ATXN2L: variants seen among roughly 807,000 people sequenced by gnomAD.
ATXN2L encodes the protein ataxin 2 like.
A neutral mutation model predicts 120.7 loss-of-function variants in ATXN2L; 24 were observed. The ratio of observed to expected loss-of-function variants is 0.20; its 90% CI spans 0.14 to 0.28. The LOEUF is 0.28. Ranked by LOEUF, ATXN2L falls within the 10% of genes least tolerant of loss-of-function variation. The probability of loss-of-function intolerance (pLI) is 1.00; values close to 1 mark genes in which losing one functional copy is unlikely to be tolerated. For missense variants in ATXN2L, 1,312 were observed against 1,432.3 expected, an observed-to-expected ratio of 0.92 and a Z score of 1.36; for synonymous variants, 653 against 568.1, an observed-to-expected ratio of 1.15 and a Z score of -2.13.
rs758149414 is a variant in ATXN2L, at chr16:28,835,504, C to T, written c.2686-45C>T. ...CTGAGTGGCGAGGACTGGGGGCCAG[C>T]GAGTTGCTGGCCTGTGTGGCACTCA... On this transcript the variant is annotated intron_variant, in intron 20 of 21. Transcript: ENST00000336783. 3.7e-6 allele frequency: 6 copies of T among 1,610,222 alleles called. No individual in the cohort carries two copies. In the Admixed American group the frequency reaches 5.0e-5, roughly 13 times the overall value.
In ATXN2L at chr16:28,835,263, T is replaced by C. The variant is rs1959985508; in HGVS notation, c.2564-15T>C. On this transcript the variant is annotated splice_polypyrimidine_tract_variant and intron_variant, in intron 19 of 21. Coordinates refer to ENST00000336783, the MANE Select transcript of ATXN2L (RefSeq NM_007245.4). ...TGGTGTGCTCAGCACTGGTTCTCCC[T>C]CTTTCCTGCTGCAGCCACTGTTCAC... 1.2e-6 allele frequency: 2 copies of C among 1,613,856 alleles called. No individual in the cohort carries two copies. Among genetic ancestry groups the C allele is most frequent in the Non-Finnish European group, 1.7e-6 (2 of 1,179,908 alleles).
In ATXN2L at chr16:28,832,255, A is replaced by G. The variant is rs139683032; in HGVS notation, c.1372A>G (p.Ile458Val). The G allele has an allele frequency of 2.5e-6, 4 of 1,613,916 alleles. No individual in the cohort carries two copies. Among genetic ancestry groups the G allele is most frequent in the East Asian group, 4.5e-5 (2 of 44,876 alleles). The part of the protein sequence containing the change: ...RSPKSAAPAP[I>V]SASCPEPPIG... The stretch of plus-strand genomic sequence containing the variant: ...TCCCAAGTCTGCTGCCCCTGCCCCA[A>G]TCTCAGCTTCCTGTCCAGAGCCTCC... The change falls in exon 11 of 22, where the codon ATC becomes GTC. Residue 458 changes from isoleucine to valine, a missense_variant. Ile to Val is a conservative substitution (Grantham distance 29). Transcript: ENST00000336783.
rs764023490 is a variant in ATXN2L, at chr16:28,830,776, G to A, written c.1196G>A (p.Arg399His). ...AGCCCTGGCCCAGGTTCTGAGGCCC[G>A]TGGTATCAATGGAGGTGAGTTATGA... ...NSSPGPGSEA[R>H]GINGGPSRMS... The change falls in exon 9 of 22, where the codon CGT becomes CAT. Residue 399 changes from arginine (R) to histidine (H), a missense_variant. Arg to His is a conservative substitution (Grantham distance 29, BLOSUM62 0). Transcript: ENST00000336783. The A allele has an allele frequency of 1.0e-5, 16 of 1,603,690 alleles. No individual in the cohort carries two copies. Among genetic ancestry groups the A allele is most frequent in the African/African-American group, 1.3e-5 (1 of 74,250 alleles).
In ATXN2L at chr16:28,836,523, T is replaced by TGG. The variant is rs761702634; in HGVS notation, c.*263_*264dup. 1.3e-6 allele frequency: 2 copies of TGG among 1,594,976 alleles called. No homozygotes were observed. The highest frequency in any genetic ancestry group is 1.7e-5 in the Admixed American group (1 of 58,348). ...CAGCAGACAGGGCCAGACTGGGGTG[T>TGG]GGGGGGCTGAGCTGGGCACATGAGT... On this transcript the variant is annotated 3_prime_UTR_variant, in exon 22 of 22. Coordinates refer to ENST00000336783, the MANE Select transcript of ATXN2L (RefSeq NM_007245.4).
rs753753026 is a variant in ATXN2L, at chr16:28,833,297, G to C, written c.1898G>C (p.Gly633Ala). The change falls in exon 14 of 22, where the codon GGC (glycine) becomes GCC (alanine). Residue 633 changes from glycine to alanine, a missense_variant. Transcript: ENST00000336783. Reference sequence around the variant, plus strand: ...CCACCACCTTGTCCAAGCCAAACTGGCAGCCCCCCGGTGGGCCTCATCAAG... The same window carrying C: ...CCACCACCTTGTCCAAGCCAAACTGCCAGCCCCCCGGTGGGCCTCATCAAG... Reference protein sequence around the residue: ...QPPPPCPSQTGSPPVGLIKGE... With the variant: ...QPPPPCPSQTASPPVGLIKGE... The C allele has an allele frequency of 6.2e-7, 1 of 1,614,166 alleles. No individual in the cohort carries two copies. The highest frequency in any genetic ancestry group is 8.5e-7 in the Non-Finnish European group (1 of 1,180,002).
Position 28,834,503 on chromosome 16 carries a change from C to T in ATXN2L, c.2246-3C>T, listed in dbSNP as rs1167714660. The T allele has an allele frequency of 5.0e-6, 8 of 1,612,058 alleles. No homozygotes were observed. In the Admixed American group the frequency reaches 5.0e-5, roughly 10 times the overall value. ...GAGCTCTCCTCTCCTCCTCCTCTTC[C>T]AGGCTCCCTTCCTCCGCAGCGCTCG... On this transcript the variant is annotated splice_region_variant and splice_polypyrimidine_tract_variant and intron_variant, in intron 17 of 21. Transcript: ENST00000336783.
At chr16:28,823,623 G>A in intron 1 of ATXN2L, 65 bp downstream of exon 1, 9 of 1,261,742 alleles carry the variant, frequency 7.1e-6, no homozygotes, top group Non-Finnish European at 9.0e-6. Context: ...CGGTTCCGGT[G>A]GGGCGGACCC....
At chr16:28,835,238 T>C (rs1481620478) in intron 19 of ATXN2L, 40 bp from the exon 20 acceptor site, 6 of 1,612,322 alleles carry the variant, frequency 3.7e-6, no homozygotes, top group Middle Eastern at 1.6e-4. Flanking sequence ...CAGCCCCCTC[T>C]GGTGTGCTCA....
chr16:28,836,736 C>T lies in ATXN2L; in HGVS notation c.*471C>T. ...CTTTCCCCTCCAACCAGTTCAATCT[C>T]ATCCCTCCCAGCAGCTCCCCTTCCA... is the stretch of plus-strand genomic sequence containing the variant. On this transcript the variant is annotated 3_prime_UTR_variant, in exon 22 of 22. Coordinates refer to ENST00000336783, the MANE Select transcript of ATXN2L (RefSeq NM_007245.4). 1 of 1,614,040 alleles carries T rather than the reference C, an allele frequency of 6.2e-7. No homozygotes were observed. Among genetic ancestry groups the T allele is most frequent in the Non-Finnish European group, 8.5e-7 (1 of 1,179,964 alleles).
rs555954739 is a variant in ATXN2L, at chr16:28,835,381, G to A, written c.2667G>A (p.Ala889=). ...GAAGCCAGCCGCAGTCCCAGCATGC[G>A]GCCCCCAGTCCTGTCCAGGTGCCTG... ...PTGSQPQSQH[A]APSPVQHQAG... is the part of the protein sequence containing the mutation. Residue 889 remains alanine, a synonymous_variant, in exon 20 of 22, where the codon GCG becomes GCA. Coordinates refer to ENST00000336783, the MANE Select transcript of ATXN2L (RefSeq NM_007245.4). 10 of 1,612,930 alleles carry A rather than the reference G, an allele frequency of 6.2e-6. No homozygotes were observed. Among genetic ancestry groups the A allele is most frequent in the African/African-American group, 5.3e-5 (4 of 75,022 alleles).
intron 5 of ATXN2L, 95 bp downstream of exon 5, chr16:28,826,485 T>TG (rs2052042252): frequency 6.4e-6 from 9 of 1,405,326 alleles, no homozygotes; most frequent in Non-Finnish European, 7.7e-6. Context: ...GTGTTTGGTT[T>TG]GTTTTTTTGT....
At chr16:28,827,338 G>A (rs1051721990) in intron 6 of ATXN2L, among the ~76,000 whole-genome samples, 4 of 152,230 alleles carry the variant, frequency 2.6e-5, no homozygotes, top group African/African-American at 9.6e-5. Context: ...GGAGGCTGAA[G>A]TGGAAGGATC....
chr16:28,826,911 A>G lies in ATXN2L; in HGVS notation c.666A>G (p.Glu222=). 6.2e-7 allele frequency: 1 copy of G among 1,600,560 alleles called. No individual in the cohort carries two copies. Reference sequence around the variant, plus strand: ...CCATGAACTCGAAAGTGAATGGGGAACACAAAGAGAAGGTGCTTCAGCGCT... The same window carrying G: ...CCATGAACTCGAAAGTGAATGGGGAGCACAAAGAGAAGGTGCTTCAGCGCT... The part of the protein sequence containing the change: ...AIAMNSKVNG[E]HKEKVLQRWE... The change falls in exon 6 of 22, where the codon GAA becomes GAG. Residue 222 remains glutamate (E), a synonymous_variant. Transcript: ENST00000336783.
chr16:28,824,301 GTT>G, intron 1 of ATXN2L: 3 of 1,191,332 alleles, frequency 2.5e-6, no homozygotes, highest in Non-Finnish European at 3.2e-6. Flanking sequence ...GTGTGTGTGT[GTT>G]AATGGAATTA....
chr16:28,834,026 G>A lies in ATXN2L; in HGVS notation c.2026-39G>A, dbSNP rs371771013. 78 of 1,603,686 alleles carry A rather than the reference G, an allele frequency of 4.9e-5. 1 individual carries two copies. Among genetic ancestry groups the A allele is most frequent in the Non-Finnish European group, 6.2e-5 (73 of 1,174,790 alleles). On this transcript the variant is annotated intron_variant, in intron 15 of 21. Coordinates refer to ENST00000336783, the MANE Select transcript of ATXN2L (RefSeq NM_007245.4). Reference sequence around the variant, plus strand: ...TCTAGGCATGGCCAGGAGTAGAGGGGAAAATACAAAATAAAATTGTCCTCC... The same window carrying A: ...TCTAGGCATGGCCAGGAGTAGAGGGAAAAATACAAAATAAAATTGTCCTCC...
Position 28,834,231 on chromosome 16 carries a change from G to C in ATXN2L, c.2172+20G>C. The C allele has an allele frequency of 1.2e-6, 2 of 1,611,320 alleles. No individual in the cohort carries two copies. Among genetic ancestry groups the C allele is most frequent in the East Asian group, 2.2e-5 (1 of 44,798 alleles). On this transcript the variant is annotated intron_variant, in intron 16 of 21. Transcript: ENST00000336783. The stretch of plus-strand genomic sequence containing the variant: ...GTGCAGGTATGCAGAGAGACTGGCC[G>C]GGCCCAGGGTTAGCGGGGTGGGATT...
At chr16:28,823,839 G>C (rs984162845) in intron 1 of ATXN2L, 2 of 359,884 alleles carry the variant, frequency 5.6e-6, no homozygotes, top group East Asian at 8.8e-5. Flanking sequence ...CGGCGCCGTC[G>C]GAACGGGGAG....
chr16:28,824,125 C>G (rs986927253), intron 1 of ATXN2L: 2 of 1,022,990 alleles, frequency 2.0e-6, no homozygotes, highest in Non-Finnish European at 2.4e-6. Flanking sequence ...GGCCGGGAGC[C>G]TCTGGCGCGC....
intron 18 of ATXN2L, 171 bp downstream of exon 18, chr16:28,834,864 C>T (rs1959555628): frequency 8.8e-7 from 1 of 1,142,556 alleles, no homozygotes; most frequent in Non-Finnish European, 1.2e-6. Context: ...CTGGTGGTAC[C>T]TGTAACAAGG....
Sources: gnomAD v4.1 joint callset for allele counts (sites outside exome capture counted in the v4.1 genomes callset) on GRCh38, gnomAD v4.1.1 for gene constraint, MANE v1.5 for transcripts, NCBI Gene and HGNC (gene_info 2026-07-23, HGNC 2026-07-21) for gene names.